The following TMEM132B variants were observed in gnomAD, a reference collection of about 807,000 sequenced individuals.
TMEM132B encodes the protein transmembrane protein 132B.
Under a neutral mutation model 90.8 loss-of-function variants are expected in TMEM132B, and 18 were observed. The ratio of observed to expected loss-of-function variants is 0.20; its 90% CI spans 0.14 to 0.29. The LOEUF (loss-of-function observed/expected upper bound fraction) is 0.29. Ranked by LOEUF, TMEM132B falls within the 10% of genes least tolerant of loss-of-function variation. The probability of loss-of-function intolerance (pLI) is 1.00; values close to 1 mark genes in which losing one functional copy is unlikely to be tolerated. For missense variants in TMEM132B, 1,096 were observed against 1,326.8 expected (o/e 0.83, Z 2.70); for synonymous variants, 504 against 523.3 (o/e 0.96, Z 0.50).
intron 5 of TMEM132B, among the ~76,000 whole-genome samples, chr12:125,624,092 C>A (rs1886174400): frequency 1.3e-5 from 2 of 152,246 alleles, no homozygotes. Flanking sequence ...AGGCTGAACG[C>A]TGAGCAAACC....
At chr12:125,328,792 C>T (rs561200141) in intron 1 of TMEM132B, among the ~76,000 whole-genome samples, 1 of 152,244 alleles carries the variant, frequency 6.6e-6, no homozygotes, top group South Asian at 2.1e-4. Context: ...TTCTCTGGCT[C>T]CCTCAAGACC....
At chr12:125,562,338 A>G (rs550146130) in intron 4 of TMEM132B, among the ~76,000 whole-genome samples, 1 of 152,330 alleles carries the variant, frequency 6.6e-6, no homozygotes, top group Non-Finnish European at 1.5e-5. Flanking sequence ...TCTCCACATA[A>G]GAGAATATGG....
intron 1 of TMEM132B, among the ~76,000 whole-genome samples, chr12:125,322,883 C>CATATAT (rs35822262): frequency 1.1e-4 from 16 of 150,220 alleles, no homozygotes; most frequent in African/African-American, 2.7e-4. Flanking sequence ...CTTTTCTATG[C>CATATAT]ATATATATAT....
intron 1 of TMEM132B, among the ~76,000 whole-genome samples, chr12:125,332,970 G>A (rs1483288050): frequency 6.6e-6 from 1 of 152,212 alleles, no homozygotes; most frequent in Non-Finnish European, 1.5e-5. Flanking sequence ...TTAGTTTCCT[G>A]TGGGTGTTGT....
At chr12:125,321,795 A>G (rs529684160) in intron 1 of TMEM132B, among the ~76,000 whole-genome samples, 7 of 152,062 alleles carry the variant, frequency 4.6e-5, no homozygotes, top group Non-Finnish European at 1.0e-4. Flanking sequence ...CAGTTTGCTT[A>G]AAAGTTAAGA....
chr12:125,440,302 T>C (rs1321018575), intron 3 of TMEM132B, among the ~76,000 whole-genome samples: 1 of 152,240 alleles, frequency 6.6e-6, no homozygotes, highest in East Asian at 1.9e-4. Context: ...TTAATGTCTC[T>C]GCTGTCAAGA....
At chr12:125,440,131 C>CT (rs1204148579) in intron 3 of TMEM132B, among the ~76,000 whole-genome samples, 10 of 152,044 alleles carry the variant, frequency 6.6e-5, no homozygotes, top group African/African-American at 2.2e-4. Flanking sequence ...CTGAAGTTTT[C>CT]TTTTTTTGTT....
intron 4 of TMEM132B, among the ~76,000 whole-genome samples, chr12:125,550,742 T>C (rs1207334922): frequency 1.3e-5 from 2 of 152,190 alleles, no homozygotes; most frequent in Non-Finnish European, 2.9e-5. Flanking sequence ...TGGTTCTTCT[T>C]CCCTAGTGGG....
In TMEM132B at chr12:125,397,206, C is replaced by T. The variant is rs181262013; in HGVS notation, c.960-18325C>T. ...CAGGATGGTCTCCATCTCCTGACCT[C>T]GTGATCCTCCCGCCTCAGCCTCCAG... On this transcript the variant is annotated intron_variant, in intron 2 of 8. Transcript: ENST00000682704. Among the ~76,000 whole-genome samples, 410 of 152,140 alleles carry T rather than the reference C, an allele frequency of 2.7e-3. 1 individual carries two copies. Among genetic ancestry groups the T allele is most frequent in the Non-Finnish European group, 4.4e-3 (299 of 67,984 alleles).
chr12:125,259,750 A>C (rs2136109065), intron 1 of TMEM132B, among the ~76,000 whole-genome samples: 1 of 152,322 alleles, frequency 6.6e-6, no homozygotes, highest in East Asian at 1.9e-4. Flanking sequence ...TTATGGGGGA[A>C]GGCAGCACAC....
chr12:125,622,723 T>C, intron 5 of TMEM132B: 1 of 936,758 alleles, frequency 1.1e-6, no homozygotes, highest in Non-Finnish European at 1.3e-6. Flanking sequence ...AAACCTTTTT[T>C]CTGCTCTCAT....
intron 4 of TMEM132B, among the ~76,000 whole-genome samples, chr12:125,534,305 G>A (rs998254651): frequency 5.9e-5 from 9 of 152,228 alleles, no homozygotes; most frequent in Admixed American, 3.3e-4. Flanking sequence ...CTGCTTGAGC[G>A]CAGGAATTTG....
intron 1 of TMEM132B, among the ~76,000 whole-genome samples, chr12:125,224,010 C>T (rs1159481717): frequency 6.6e-6 from 1 of 152,222 alleles, no homozygotes; most frequent in South Asian, 2.1e-4. Flanking sequence ...CTCCTGATCT[C>T]AGTTGATCCG....
chr12:125,359,765 A>C (rs543859816), intron 2 of TMEM132B, among the ~76,000 whole-genome samples: 1 of 152,342 alleles, frequency 6.6e-6, no homozygotes, highest in East Asian at 1.9e-4. Flanking sequence ...ATGACTTACA[A>C]CTTTTGGGAA....
At chr12:125,244,869 A>G (rs567325012) in intron 1 of TMEM132B, among the ~76,000 whole-genome samples, 2 of 152,240 alleles carry the variant, frequency 1.3e-5, no homozygotes, top group South Asian at 4.2e-4. Flanking sequence ...GTGGAGTGGA[A>G]ATGTCTGGCC....
At chr12:125,545,407 C>T (rs1217084778) in intron 4 of TMEM132B, among the ~76,000 whole-genome samples, 3 of 152,234 alleles carry the variant, frequency 2.0e-5, no homozygotes, top group Admixed American at 6.5e-5. Context: ...TCAGATTGCT[C>T]TTCATTTCCC....
At chr12:125,245,797 C>T (rs997015426) in intron 1 of TMEM132B, among the ~76,000 whole-genome samples, 3 of 152,078 alleles carry the variant, frequency 2.0e-5, no homozygotes, top group Non-Finnish European at 2.9e-5. Context: ...TGTCCCAGAC[C>T]CTTCCAGCCT....
intron 1 of TMEM132B, among the ~76,000 whole-genome samples, chr12:125,201,594 T>A (rs930317607): frequency 1.3e-5 from 2 of 152,240 alleles, no homozygotes; most frequent in Non-Finnish European, 2.9e-5. Flanking sequence ...GGCATGAACT[T>A]AGGCAGCAGG....
chr12:125,588,867 T>C lies in TMEM132B; in HGVS notation c.1437+4873T>C, dbSNP rs954410112. On this transcript the variant is annotated intron_variant, in intron 5 of 8. Transcript: ENST00000682704. ...GTCAGATGGTAACCTTAAGTTATTC[T>C]ATGTACTTGTAATTGAATTGTTAAA... Among the ~76,000 whole-genome samples the C allele has an allele frequency of 3.3e-5, 5 of 152,176 alleles. No homozygotes were observed. In the East Asian group the frequency reaches 7.7e-4, roughly 23 times the overall value.
Sources: allele counts gnomAD v4.1 joint callset (sites outside exome capture counted in the v4.1 genomes callset), GRCh38; gene constraint gnomAD v4.1.1; transcripts MANE v1.5; gene names NCBI Gene and HGNC (gene_info 2026-07-23, HGNC 2026-07-21).